The following LRTM3 variants were observed in gnomAD, a reference collection of about 807,000 sequenced individuals.
LRTM3 encodes the protein leucine-rich repeat transmembrane protein 3.
the LRTM3 span, chr13:102,734,213 TTTTC>T: frequency 6.4e-6 from 10 of 1,551,464 alleles, no homozygotes; most frequent in Non-Finnish European, 8.7e-6. Context: ...TTCATGCCTG[TTTTC>T]TTTCTGTGAC....
At chr13:102,731,853 A>G in the LRTM3 span, 1 of 1,550,246 alleles carries the variant, frequency 6.5e-7, no homozygotes, top group Non-Finnish European at 8.7e-7. Context: ...TCAAGCATAG[A>G]TGGACACTCT....
the LRTM3 span, chr13:102,745,716 G>A: frequency 6.4e-7 from 1 of 1,550,914 alleles, no homozygotes. Context: ...TCCTTTTGAT[G>A]GCTAGAATCA....
chr13:102,758,297 T>C, the LRTM3 span: 1 of 661,494 alleles, frequency 1.5e-6, no homozygotes, highest in South Asian at 2.1e-5. Flanking sequence ...AATCATGATA[T>C]TGAACAGCTA....
the LRTM3 span, chr13:102,742,847 T>C: frequency 6.4e-7 from 1 of 1,550,752 alleles, no homozygotes; most frequent in Non-Finnish European, 8.7e-7. Flanking sequence ...TAAAACAGAA[T>C]GGCCAATGTT....
At chr13:102,738,239 T>A in the LRTM3 span, 5 of 1,551,042 alleles carry the variant, frequency 3.2e-6, no homozygotes, top group Non-Finnish European at 3.5e-6. Context: ...TTCTTTCTGT[T>A]GCATGTAATC....
chr13:102,745,409 G>T, the LRTM3 span: 10 of 1,550,572 alleles, frequency 6.4e-6, no homozygotes, highest in African/African-American at 1.4e-5. Flanking sequence ...AATGTCAGGT[G>T]TCATAGTCAG....
chr13:102,733,223 A>G, the LRTM3 span: 2 of 1,551,264 alleles, frequency 1.3e-6, no homozygotes, highest in Admixed American at 2.0e-5. Context: ...TTGTTCTTCT[A>G]TATTTTGGGG....
the LRTM3 span, chr13:102,748,740 C>G: frequency 7.7e-6 from 12 of 1,549,580 alleles, no homozygotes; most frequent in Non-Finnish European, 1.0e-5. Flanking sequence ...TTAAGAGATT[C>G]TTTACTCTTC....
chr13:102,758,685 C>A, the LRTM3 span: 1 of 1,524,284 alleles, frequency 6.6e-7, no homozygotes, highest in East Asian at 2.5e-5. Flanking sequence ...AAGGGGAAAT[C>A]AACCATTTAT....
At chr13:102,738,021 C>T in the LRTM3 span, 4 of 1,550,426 alleles carry the variant, frequency 2.6e-6, no homozygotes, top group Admixed American at 2.0e-5. Context: ...TCTCTATCAA[C>T]CTTTTCTTGT....
chr13:102,745,995 T>G, the LRTM3 span: 1 of 1,551,076 alleles, frequency 6.4e-7, no homozygotes, highest in South Asian at 1.2e-5. Flanking sequence ...CCATCGCTGT[T>G]CTCCAGAGCC....
At chr13:102,753,621 G>A in the LRTM3 span, among the ~76,000 whole-genome samples, 5 of 152,038 alleles carry the variant, frequency 3.3e-5, no homozygotes, top group African/African-American at 1.2e-4. Flanking sequence ...CCAGAACCAT[G>A]AGAAAATAAA....
the LRTM3 span, chr13:102,744,803 T>C: frequency 1.5e-5 from 24 of 1,550,824 alleles, no homozygotes; most frequent in Non-Finnish European, 2.0e-5. Flanking sequence ...GTCAGTCAAA[T>C]TGGCCTTCTG....
the LRTM3 span, chr13:102,731,912 C>G: frequency 6.5e-7 from 1 of 1,549,528 alleles, no homozygotes. Context: ...CTCGATGATA[C>G]GTAAGTCTGG....
the LRTM3 span, chr13:102,736,735 CT>C: frequency 6.4e-7 from 1 of 1,550,582 alleles, no homozygotes; most frequent in Admixed American, 2.0e-5. Flanking sequence ...ATTTCTCTGC[CT>C]TTACAGCTAT....
At chr13:102,731,659 T>G in the LRTM3 span, 4 of 1,551,496 alleles carry the variant, frequency 2.6e-6, no homozygotes, top group Non-Finnish European at 3.5e-6. Context: ...TAGCTTTGGT[T>G]GCTTCACAAA....
At chr13:102,734,136 T>C in the LRTM3 span, 1 of 1,551,486 alleles carries the variant, frequency 6.4e-7, no homozygotes, top group Non-Finnish European at 8.7e-7. Flanking sequence ...GCATTAAGGA[T>C]ATGTGACATT....
the LRTM3 span, chr13:102,731,357 G>C: frequency 6.4e-7 from 1 of 1,551,136 alleles, no homozygotes; most frequent in African/African-American, 1.4e-5. Context: ...AGTCCCTTTT[G>C]GATAAAAGTT....
At chr13:102,752,924 C>G in the LRTM3 span, among the ~76,000 whole-genome samples, 4 of 152,238 alleles carry the variant, frequency 2.6e-5, no homozygotes, top group South Asian at 6.2e-4. Flanking sequence ...GAGTGGGGCC[C>G]TAATCCAATA....
Sources: gnomAD v4.1 joint callset for allele counts (sites outside exome capture counted in the v4.1 genomes callset) on GRCh38, gnomAD v4.1.1 for gene constraint, MANE v1.5 for transcripts, NCBI Gene and HGNC (gene_info 2026-07-23, HGNC 2026-07-21) for gene names.